Variants in LRRC28 observed in about 807,000 individuals in gnomAD.
LRRC28 encodes the protein leucine-rich repeat-containing protein 28.
Under a neutral mutation model 45.7 loss-of-function variants are expected in LRRC28, and 39 were observed. That is an observed-to-expected ratio of 0.85 (90% CI 0.66 to 1.12). The LOEUF (loss-of-function observed/expected upper bound fraction) is 1.12. Ranked by LOEUF, LRRC28 falls within the 50% of genes most tolerant of loss-of-function variation. LRRC28 has a pLI of 0.00. For synonymous variants in LRRC28, 206 were observed against 178.8 expected, an observed-to-expected ratio of 1.15 and a Z score of -1.22; for missense variants, 435 against 438.5, an observed-to-expected ratio of 0.99 and a Z score of 0.07.
intron 9 of LRRC28, among the ~76,000 whole-genome samples, chr15:99,385,188 CCCTGCTGGTGCCT>C (rs1424019842): frequency 7.2e-5 from 11 of 152,096 alleles, no homozygotes; most frequent in Admixed American, 6.5e-5. Flanking sequence ...CCCTTCAGCC[CCCTGCTGGTGCCT>C]CCTGCTGGTG....
chr15:99,260,171 G>GT (rs1260339529), intron 2 of LRRC28, among the ~76,000 whole-genome samples: 1 of 152,000 alleles, frequency 6.6e-6, no homozygotes, highest in Non-Finnish European at 1.5e-5. Context: ...GAAGAAGTGG[G>GT]TTTTTTAGTT....
At chr15:99,294,215 A>G (rs898435332) in intron 5 of LRRC28, among the ~76,000 whole-genome samples, 3 of 151,964 alleles carry the variant, frequency 2.0e-5, no homozygotes, top group Non-Finnish European at 4.4e-5. Flanking sequence ...CCAAATTGGC[A>G]AGTTTCCTTT....
At chr15:99,331,378 G>A in intron 5 of LRRC28, among the ~76,000 whole-genome samples, 1 of 152,194 alleles carries the variant, frequency 6.6e-6, no homozygotes, top group South Asian at 2.1e-4. Context: ...GCTTGTGCCT[G>A]TCTTTGACTT....
chr15:99,258,255 C>T, intron 2 of LRRC28: 1 of 1,577,822 alleles, frequency 6.3e-7, no homozygotes, highest in Non-Finnish European at 8.7e-7. Flanking sequence ...GTTATTGTCA[C>T]TTCAAAACAC....
chr15:99,279,902 A>G (rs2081733961), intron 3 of LRRC28, among the ~76,000 whole-genome samples: 1 of 152,204 alleles, frequency 6.6e-6, no homozygotes, highest in South Asian at 2.1e-4. Flanking sequence ...GGTTTACCAG[A>G]TTAGCTGTTC....
intron 3 of LRRC28, among the ~76,000 whole-genome samples, chr15:99,280,886 A>G (rs1390419107): frequency 6.6e-6 from 1 of 151,908 alleles, no homozygotes; most frequent in Admixed American, 6.6e-5. Context: ...AAGACTTTTC[A>G]TTTCCTTTTC....
chr15:99,293,476 C>T lies in LRRC28; in HGVS notation c.385+5525C>T, dbSNP rs192742594. On this transcript the variant is annotated intron_variant, in intron 5 of 9. Transcript: ENST00000301981. ...GGCGTGGTGGCGCATGCCTGTAATC[C>T]CAGCTACTCAGGAGGCTGAGGCAGG... is the stretch of plus-strand genomic sequence containing the variant. Among the ~76,000 whole-genome samples the T allele has an allele frequency of 3.5e-3, 527 of 151,432 alleles. 5 individuals are homozygous for T. Among genetic ancestry groups the T allele is most frequent in the African/African-American group, 0.012 (506 of 41,220 alleles).
intron 2 of LRRC28, chr15:99,258,933 G>C (rs1355929829): frequency 2.6e-5 from 19 of 729,260 alleles, no homozygotes; most frequent in Non-Finnish European, 4.7e-5. Flanking sequence ...GTGGACTCAG[G>C]TGGTCTGTCT....
intron 3 of LRRC28, chr15:99,287,025 A>G: frequency 5.2e-6 from 2 of 383,394 alleles, no homozygotes; most frequent in Non-Finnish European, 9.5e-6. Context: ...TTTTAAAATA[A>G]CAACTAAATC....
At chr15:99,350,142 CAAAAAA>C (rs71149462) in intron 6 of LRRC28, among the ~76,000 whole-genome samples, 4 of 97,890 alleles carry the variant, frequency 4.1e-5, no homozygotes, top group Admixed American at 2.0e-4. Flanking sequence ...GACTCCGTCT[CAAAAAA>C]AAAAAAAAAA....
At chr15:99,356,880 G>A (rs2152321167) in intron 7 of LRRC28, among the ~76,000 whole-genome samples, 1 of 152,238 alleles carries the variant, frequency 6.6e-6, no homozygotes, top group Admixed American at 6.5e-5. Context: ...AGAAAACAAT[G>A]CAACTACATT....
intron 5 of LRRC28, among the ~76,000 whole-genome samples, chr15:99,310,751 A>G (rs1190555594): frequency 6.6e-6 from 1 of 152,226 alleles, no homozygotes; most frequent in African/African-American, 2.4e-5. Context: ...TAAGAATCAT[A>G]TCCTTCCATT....
rs1597500997 is a variant in LRRC28, at chr15:99,390,661, C to G, written c.*4559C>G. The G allele has an allele frequency of 6.6e-6, 1 of 152,202 alleles. No homozygotes were observed. Among genetic ancestry groups the G allele is most frequent in the Non-Finnish European group, 1.5e-5 (1 of 68,034 alleles). The allele number at this position is 152,202 out of a possible 1,614,324, so 9.4% of individuals were successfully genotyped here. The stretch of plus-strand genomic sequence containing the variant: ...AGTTTATAGAATAATTGAGCTTGAA[C>G]CATGTGAATGCTCAGAATGTCAATG... On this transcript the variant is annotated 3_prime_UTR_variant, in exon 10 of 10. Transcript: ENST00000301981.
chr15:99,335,092 C>T (rs76194215), intron 6 of LRRC28, among the ~76,000 whole-genome samples: 2 of 151,792 alleles, frequency 1.3e-5, no homozygotes, highest in East Asian at 3.9e-4. Flanking sequence ...GAAATGAGGC[C>T]GTTTCAGAAG....
At chr15:99,305,576 G>T (rs932003228) in intron 5 of LRRC28, among the ~76,000 whole-genome samples, 1 of 152,108 alleles carries the variant, frequency 6.6e-6, no homozygotes, top group Non-Finnish European at 1.5e-5. Flanking sequence ...ACACTTTCAG[G>T]ATTCAAGCTT....
rs1283140398 is a variant in LRRC28, at chr15:99,276,635, A to AT, written c.209+25dup. 2 of 1,501,388 alleles carry AT rather than the reference A, an allele frequency of 1.3e-6. No individual in the cohort carries two copies. The highest frequency in any genetic ancestry group is 1.8e-6 in the Non-Finnish European group (2 of 1,125,224). 93.0% of individuals were successfully genotyped at this position (1,501,388 alleles called of 1,614,324 possible). A position where few individuals can be genotyped will look rare whatever the true frequency, so the allele number is the denominator to read the frequency against. On this transcript the variant is annotated intron_variant, in intron 3 of 9. Coordinates refer to ENST00000301981, the MANE Select transcript of LRRC28 (RefSeq NM_144598.5). Reference sequence around the variant, plus strand: ...TGGAACTGTGAGTCTGTTTATTCAAATTTTTTAAAGACAAGAATGAAAATA... The same window carrying AT: ...TGGAACTGTGAGTCTGTTTATTCAAATTTTTTTAAAGACAAGAATGAAAATA...
chr15:99,381,688 G>A (rs938181422), intron 9 of LRRC28, among the ~76,000 whole-genome samples: 15 of 152,164 alleles, frequency 9.9e-5, no homozygotes, highest in Non-Finnish European at 1.9e-4. Context: ...CTTTGATGAT[G>A]GTGACTTACA....
At chr15:99,327,368 T>C (rs1308905233) in intron 5 of LRRC28, among the ~76,000 whole-genome samples, 1 of 152,226 alleles carries the variant, frequency 6.6e-6, no homozygotes, top group Non-Finnish European at 1.5e-5. Context: ...TGTGCCAGGC[T>C]ACTAATTCAG....
intron 6 of LRRC28, among the ~76,000 whole-genome samples, chr15:99,344,978 A>G (rs1956633278): frequency 1.3e-5 from 2 of 152,216 alleles, no homozygotes; most frequent in Admixed American, 1.3e-4. Flanking sequence ...GCCTTCTTCT[A>G]CTGTAGGCCG....
Sources: allele counts gnomAD v4.1 joint callset (sites outside exome capture counted in the v4.1 genomes callset), GRCh38; gene constraint gnomAD v4.1.1; transcripts MANE v1.5; gene names NCBI Gene and HGNC (gene_info 2026-07-23, HGNC 2026-07-21).